RGS20: variants seen among roughly 807,000 people sequenced by gnomAD.
The protein encoded by RGS20 is gz-selective GTPase-activating protein.
In RGS20, 30 loss-of-function variants were observed where a neutral mutation model predicts 33.6. The observed-to-expected ratio is 0.89, with a 90% confidence interval of 0.67 to 1.21. The LOEUF (loss-of-function observed/expected upper bound fraction) is 1.21. RGS20 is among the 50% of genes most tolerant of loss of function. The pLI is 0.00. For missense variants in RGS20, 472 were observed against 502.4 expected, an observed-to-expected ratio of 0.94 and a Z score of 0.58; for synonymous variants, 208 against 197.9, an observed-to-expected ratio of 1.05 and a Z score of -0.43.
At chr8:53,882,420 G>A (rs956405148) in intron 2 of RGS20, among the ~76,000 whole-genome samples, 1 of 152,098 alleles carries the variant, frequency 6.6e-6, no homozygotes, top group African/African-American at 2.4e-5. Flanking sequence ...GGACGCGGCC[G>A]TGCGAGAGCT....
intron 4 of RGS20, among the ~76,000 whole-genome samples, chr8:53,953,430 A>G (rs949108115): frequency 2.0e-5 from 3 of 151,918 alleles, no homozygotes; most frequent in Non-Finnish European, 4.4e-5. Flanking sequence ...CCAAGGAGAG[A>G]GAATCATATG....
intron 1 of RGS20, chr8:53,876,087 A>C (rs556135376): frequency 3.3e-5 from 5 of 152,378 alleles, no homozygotes; most frequent in African/African-American, 1.2e-4. Context: ...AAACTACAGC[A>C]AAGTGGAACT....
At chr8:53,858,226 A>C (rs1018569840) in intron 1 of RGS20, among the ~76,000 whole-genome samples, 1 of 152,122 alleles carries the variant, frequency 6.6e-6, no homozygotes, top group African/African-American at 2.4e-5. Context: ...GTGGTGGCTC[A>C]CGTCTGTAGT....
chr8:53,871,178 C>A (rs919717124), intron 1 of RGS20, among the ~76,000 whole-genome samples: 1 of 140,888 alleles, frequency 7.1e-6, no homozygotes, highest in African/African-American at 2.6e-5. Context: ...CCAGACTCTT[C>A]TTTTCCTGAG....
At chr8:53,954,994 ACTTTT>A (rs1383969516) in intron 5 of RGS20, among the ~76,000 whole-genome samples, 2 of 151,394 alleles carry the variant, frequency 1.3e-5, no homozygotes, top group African/African-American at 4.8e-5. Flanking sequence ...CCTCGCCATT[ACTTTT>A]AACTTTTTCC....
intron 5 of RGS20, 84 bp from the exon 5 acceptor site, chr8:53,958,186 C>A (rs1009507937): frequency 3.9e-6 from 4 of 1,017,440 alleles, no homozygotes; most frequent in Non-Finnish European, 4.1e-6. Context: ...AAAACAACAA[C>A]AAAAATCCCC....
chr8:53,942,182 A>G (rs1393105534), intron 3 of RGS20, among the ~76,000 whole-genome samples: 1 of 152,190 alleles, frequency 6.6e-6, no homozygotes, highest in Admixed American at 6.5e-5. Flanking sequence ...CTGAGGCAGG[A>G]GAATCGCTTG....
At position 53,900,704 on chromosome 8, in the gene RGS20, A is replaced by T. The variant is rs185430189; in HGVS notation, c.510+21102A>T. ...CGTGGAGGCTTAGGAAGGTGAAGTA[A>T]TTTGGTCCAGGCCTCACAAGTGGCA... On this transcript the variant is annotated intron_variant, in intron 2 of 5. Coordinates refer to ENST00000297313, the MANE Select transcript of RGS20 (RefSeq NM_170587.4). Among the ~76,000 whole-genome samples the T allele has an allele frequency of 1.1e-3, 166 of 152,204 alleles. 3 individuals carry two copies. The highest frequency in any genetic ancestry group is 0.01 in the Admixed American group (155 of 15,286).
intron 1 of RGS20, among the ~76,000 whole-genome samples, chr8:53,866,404 T>G (rs1454196988): frequency 2.6e-5 from 4 of 151,162 alleles, no homozygotes; most frequent in Non-Finnish European, 4.4e-5. Flanking sequence ...TTTTTTTGAG[T>G]CTTGCTCTGT....
At chr8:53,948,135 A>ATATATATGATATAGTATATATATT (rs1563431365) in intron 4 of RGS20, among the ~76,000 whole-genome samples, 92 of 133,896 alleles carry the variant, frequency 6.9e-4, no homozygotes, top group African/African-American at 2.5e-3. Flanking sequence ...TATATATGCT[A>ATATATATGATATAGTATATATATT]TATATATGAT....
chr8:53,896,051 C>T (rs1415508239), intron 2 of RGS20, among the ~76,000 whole-genome samples: 4 of 151,992 alleles, frequency 2.6e-5, no homozygotes, highest in African/African-American at 7.3e-5. Context: ...GAGGCCAAAG[C>T]GAGAGAATCT....
intron 1 of RGS20, among the ~76,000 whole-genome samples, chr8:53,861,078 GATTC>G (rs1288233754): frequency 6.6e-6 from 1 of 152,160 alleles, no homozygotes; most frequent in African/African-American, 2.4e-5. Flanking sequence ...CAACTTATGG[GATTC>G]CAAAATCAAC....
intron 2 of RGS20, 29 bp downstream of exon 1, chr8:53,881,113 T>G (rs764661511): frequency 5.4e-6 from 8 of 1,478,304 alleles, no homozygotes; most frequent in Non-Finnish European, 7.2e-6. Context: ...CGAACTCTCT[T>G]TCTTCGTCTC....
In RGS20 at chr8:53,877,368, G is replaced by T. The variant is rs557216980; in HGVS notation, c.166-1890G>T. Among the ~76,000 whole-genome samples the T allele has an allele frequency of 2.0e-5, 3 of 152,148 alleles. No homozygotes were observed. The highest frequency in any genetic ancestry group is 2.9e-5 in the Non-Finnish European group (2 of 68,018). ...GAGTGGGGCGCAGACGCGGCCGCCG[G>T]CCCGCAGTCCCCCGCAGGTGCCGCC... On this transcript the variant is annotated intron_variant, in intron 1 of 5. Coordinates refer to ENST00000297313, the MANE Select transcript of RGS20 (RefSeq NM_170587.4). The surrounding 1 kb of genome is among the most constrained non-coding windows in gnomAD (Gnocchi z 5.7).
intron 2 of RGS20, among the ~76,000 whole-genome samples, chr8:53,908,982 A>C (rs930302809): frequency 4.6e-5 from 7 of 151,856 alleles, no homozygotes; most frequent in Admixed American, 1.3e-4. Context: ...ATTCTTTTTA[A>C]AAATATACTT....
intron 3 of RGS20, 130 bp from the exon 3 acceptor site, chr8:53,946,534 AT>A (rs746977593): frequency 6.1e-4 from 493 of 811,088 alleles, no homozygotes; most frequent in South Asian, 7.6e-4. Flanking sequence ...AACTGGGGTC[AT>A]TTTTTTTTCC....
chr8:53,936,043 C>T (rs1427819124), intron 2 of RGS20, among the ~76,000 whole-genome samples: 1 of 152,180 alleles, frequency 6.6e-6, no homozygotes, highest in Non-Finnish European at 1.5e-5. Flanking sequence ...CAATAAAATT[C>T]AACACCCTTT....
intron 2 of RGS20, among the ~76,000 whole-genome samples, chr8:53,908,841 A>G (rs1422643925): frequency 6.6e-6 from 1 of 151,966 alleles, no homozygotes; most frequent in African/African-American, 2.4e-5. Flanking sequence ...TCATATCAAC[A>G]CAGAAAGTTA....
At chr8:53,953,168 T>C (rs1244839855) in intron 4 of RGS20, among the ~76,000 whole-genome samples, 1 of 152,164 alleles carries the variant, frequency 6.6e-6, no homozygotes, top group African/African-American at 2.4e-5. Context: ...GTGCAATATA[T>C]CCATGTAACA....
Sources: gnomAD v4.1 joint callset for allele counts (sites outside exome capture counted in the v4.1 genomes callset) on GRCh38, gnomAD v4.1.1 for gene constraint, Gnocchi (gnomAD v3.1) non-coding constraint, MANE v1.5 for transcripts, NCBI Gene and HGNC (gene_info 2026-07-23, HGNC 2026-07-21) for gene names.